FN1: variants seen among roughly 807,000 people sequenced by gnomAD.
FN1 encodes the protein fibronectin 1, also known as fibronectin.
In FN1, 106 loss-of-function variants were observed where a neutral mutation model predicts 297.3. That is an observed-to-expected ratio of 0.36 (90% CI 0.30 to 0.42). The LOEUF is 0.42. Ranked by LOEUF, FN1 falls within the 10% of genes least tolerant of loss-of-function variation. The probability of loss-of-function intolerance (pLI) is 1.00; values close to 1 mark genes in which losing one functional copy is unlikely to be tolerated. For missense variants in FN1, 2,690 were observed against 3,124.9 expected, an observed-to-expected ratio of 0.86 and a Z score of 3.32; for synonymous variants, 1,149 against 1,152.6, an observed-to-expected ratio of 1.00 and a Z score of 0.06.
At position 215,384,154 on chromosome 2, in the gene FN1, A is replaced by G. The variant is rs1344532470; in HGVS notation, c.4760T>C (p.Val1587Ala). Residue 1587 changes from valine (V) to alanine (A), a missense_variant, in exon 30 of 46, where the codon GTG becomes GCG. Physicochemically the swap from Val to Ala is moderately conservative, Grantham distance 64. Coordinates refer to ENST00000354785, the MANE Select transcript of FN1 (RefSeq NM_212482.4). Reference protein sequence around the residue: ...GGNSPVQEFTVPGSKSTATIS... With the variant: ...GGNSPVQEFTAPGSKSTATIS... ...GGTAGCTGTAGACTTGCTCCCAGGCACAGTGAACTCCTGGACAGGGCTATT... is the reference window on the plus strand; with the variant it reads ...GGTAGCTGTAGACTTGCTCCCAGGCGCAGTGAACTCCTGGACAGGGCTATT... 6.2e-7 allele frequency: 1 copy of G among 1,614,064 alleles called. No homozygotes were observed. Among genetic ancestry groups the G allele is most frequent in the African/African-American group, 1.3e-5 (1 of 74,936 alleles).
At chr2:215,421,046 TAAAG>T (rs1271363337) in intron 10 of FN1, 1 of 470,162 alleles carries the variant, frequency 2.1e-6, no homozygotes, top group African/African-American at 2.0e-5. Flanking sequence ...TATGCTCAAG[TAAAG>T]AATGTGGTAA....
At position 215,425,104 on chromosome 2, in the gene FN1, G is replaced by A. The variant is rs868242563; in HGVS notation, c.1026C>T (p.Cys342=). 1.9e-6 allele frequency: 3 copies of A among 1,614,096 alleles called. No individual in the cohort carries two copies. The highest frequency in any genetic ancestry group is 1.6e-4 in the Middle Eastern group (1 of 6,062). The change falls in exon 7 of 46, where the codon TGC becomes TGT. Residue 342 remains cysteine (C), a synonymous_variant. Coordinates refer to ENST00000354785, the MANE Select transcript of FN1 (RefSeq NM_212482.4). ...LCTCLGNGVS[C]QETAVTQTYG... is the part of the protein sequence containing the mutation. Reference sequence around the variant, plus strand: ...AAAGATAATGCATACCTGTCTCTTGGCAGCTGACTCCGTTGCCCAGGCACG... The same window carrying A: ...AAAGATAATGCATACCTGTCTCTTGACAGCTGACTCCGTTGCCCAGGCACG...
chr2:215,433,141 T>C (rs984623482), intron 3 of FN1, among the ~76,000 whole-genome samples, 183 bp downstream of exon 3: 5 of 152,156 alleles, frequency 3.3e-5, no homozygotes, highest in Non-Finnish European at 5.9e-5. Context: ...ATTCCATCTG[T>C]GCTCATACCC....
chr2:215,418,900 C>T (rs924435032), intron 12 of FN1, among the ~76,000 whole-genome samples: 2 of 152,172 alleles, frequency 1.3e-5, no homozygotes, highest in Admixed American at 6.5e-5. Flanking sequence ...TATAAAGCCC[C>T]AAACCTTTAC....
Position 215,361,570 on chromosome 2 carries a change from T to G in FN1, c.7419A>C (p.Glu2473Asp). The change falls in exon 46 of 46, where the codon GAA becomes GAC. Residue 2473 changes from glutamate (E) to aspartate (D), a missense_variant. Physicochemically the swap from Glu to Asp is conservative, Grantham distance 45 (BLOSUM62 2). Coordinates refer to ENST00000354785, the MANE Select transcript of FN1 (RefSeq NM_212482.4). Reference sequence around the variant, plus strand: ...GAAAGATGATTTACTCTCGGGAATCTTCTCTGTCAGCCTGTACATCTAAAG... The same window carrying G: ...GAAAGATGATTTACTCTCGGGAATCGTCTCTGTCAGCCTGTACATCTAAAG... ...FMPLDVQADR[E>D]DSRE 6.2e-7 allele frequency: 1 copy of G among 1,608,738 alleles called. No homozygotes were observed. The highest frequency in any genetic ancestry group is 8.5e-7 in the Non-Finnish European group (1 of 1,175,096).
chr2:215,420,867 A>T lies in FN1; in HGVS notation c.1547-66T>A, dbSNP rs2064209052. ...GTTCCATTGATGAAAGAAAAAAGGT[A>T]TGCTTCTCAAAGCATACAACTACTT... On this transcript the variant is annotated intron_variant, in intron 10 of 45. Coordinates refer to ENST00000354785, the MANE Select transcript of FN1 (RefSeq NM_212482.4). 17 of 1,493,630 alleles carry T rather than the reference A, an allele frequency of 1.1e-5. No homozygotes were observed. In the South Asian group the frequency reaches 1.9e-4, roughly 17 times the overall value. 92.5% of individuals were successfully genotyped at this position (1,493,630 alleles called of 1,614,324 possible).
chr2:215,382,299 A>C lies in FN1; in HGVS notation c.5077T>G (p.Leu1693Val), dbSNP rs767478737. ...PDQTEMTIEG[L>V]QPTVEYVVSV... is the part of the protein sequence containing the mutation. ...ACCACATACTCCACTGTGGGCTGCA[A>C]GCCTTCAATAGTCATTTCTGTTTGA... is the stretch of plus-strand genomic sequence containing the variant. Residue 1693 changes from leucine to valine, a missense_variant, in exon 32 of 46, where the codon TTG becomes GTG. Physicochemically the swap from Leu to Val is conservative, Grantham distance 32. This residue lies in a region of FN1 where 1,743 missense variants were observed against 1,945.2 expected (regional missense o/e 0.90). Transcript: ENST00000354785. The C allele has an allele frequency of 6.2e-7, 1 of 1,613,084 alleles. No homozygotes were observed. The highest frequency in any genetic ancestry group is 8.5e-7 in the Non-Finnish European group (1 of 1,179,022).
chr2:215,361,701 G>A (rs2053479161), intron 45 of FN1, 75 bp from the exon 46 acceptor site: 6 of 1,197,132 alleles, frequency 5.0e-6, no homozygotes, highest in Middle Eastern at 1.9e-4. Flanking sequence ...ATGCGGGGAG[G>A]TGGGGACTCA....
At position 215,435,817 on chromosome 2, in the gene FN1, G is replaced by A. The variant is rs779945611; in HGVS notation, c.-15C>T. The A allele has an allele frequency of 6.5e-7, 1 of 1,533,298 alleles. No homozygotes were observed. Among genetic ancestry groups the A allele is most frequent in the Non-Finnish European group, 8.8e-7 (1 of 1,142,332 alleles). 95.0% of individuals were successfully genotyped at this position (1,533,298 alleles called of 1,614,324 possible). ...CCCCTAAGCATGTTGAGACGGTGGG[G>A]GAGAGACGCCCGCACCGGGAGGCAA... On this transcript the variant is annotated 5_prime_UTR_variant, in exon 1 of 46. Transcript: ENST00000354785.
At chr2:215,364,734 T>C in intron 44 of FN1, 145 bp downstream of exon 44, 2 of 690,204 alleles carry the variant, frequency 2.9e-6, no homozygotes, top group African/African-American at 1.8e-5. Context: ...TAGAGCTCTA[T>C]GTCAGCAGTT....
chr2:215,397,868 G>C lies in FN1; in HGVS notation c.3349-20C>G, dbSNP rs188897740. ...ACCCAGCTAGAGGAAGGAATGCAAA[G>C]TAAACACCAAGGACAAATATTTCCA... On this transcript the variant is annotated intron_variant, in intron 21 of 45. Transcript: ENST00000354785. The C allele has an allele frequency of 3.3e-4, 534 of 1,612,472 alleles. 1 individual carries two copies. The African/African-American group carries it at 6.6e-3, about 20-fold the overall frequency.
At chr2:215,424,766 G>A (rs1436081882) in intron 7 of FN1, among the ~76,000 whole-genome samples, 4 of 152,152 alleles carry the variant, frequency 2.6e-5, no homozygotes, top group African/African-American at 9.7e-5. Flanking sequence ...TTAGGTTATT[G>A]GAAGATGTTT....
intron 45 of FN1, 134 bp from the exon 46 acceptor site, chr2:215,361,760 C>G: frequency 1.0e-6 from 1 of 1,002,298 alleles, no homozygotes; most frequent in Non-Finnish European, 1.5e-6. Context: ...TTTCAAGAAC[C>G]TAGCAGCATA....
At chr2:215,366,728 A>C (rs1299560893) in intron 42 of FN1, among the ~76,000 whole-genome samples, 1 of 152,236 alleles carries the variant, frequency 6.6e-6, no homozygotes, top group Non-Finnish European at 1.5e-5. Context: ...CAAAACAAAG[A>C]TTATGTAAGT....
rs1467135083 is a variant in FN1 at position 215,397,703 on chromosome 2, G to A, written c.3494C>T (p.Pro1165Leu). The change falls in exon 22 of 46, where the codon CCA (proline) becomes CTA (leucine). Residue 1165 changes from proline to leucine, a missense_variant. Around this residue, in one of 3 missense-constraint regions of FN1, gnomAD observed 1,743 missense variants for 1,945.2 expected, o/e 0.90. Transcript: ENST00000354785. ...ACGTGTCACCACTTTGTTTACAATT[G>A]GCGCATCTCTTTCCTGTCCATCTCT... The part of the protein sequence containing the change: ...VLRDGQERDA[P>L]IVNKVVTPLS... 1 of 1,613,910 alleles carries A rather than the reference G, an allele frequency of 6.2e-7. No homozygotes were observed. The highest frequency in any genetic ancestry group is 2.2e-5 in the East Asian group (1 of 44,890).
intron 24 of FN1, 27 bp from the exon 25 acceptor site, chr2:215,393,230 G>T: frequency 6.2e-7 from 1 of 1,608,622 alleles, no homozygotes. Flanking sequence ...CAAAGGGAGG[G>T]GGAGGCAAAA....
At position 215,406,340 on chromosome 2, in the gene FN1, C is replaced by A; in HGVS notation, c.2884G>T (p.Ala962Ser). The A allele has an allele frequency of 6.2e-7, 1 of 1,614,216 alleles. No homozygotes were observed. Among genetic ancestry groups the A allele is most frequent in the Non-Finnish European group, 8.5e-7 (1 of 1,180,052 alleles). ...CCAGGGGACAGCCCGGTGACTTCTG[C>A]AAAGGTGTTCCTGCTGATGGGCAGC... is the stretch of plus-strand genomic sequence containing the variant. ...QRLPISRNTF[A>S]EVTGLSPGVT... Residue 962 changes from alanine to serine, a missense_variant, in exon 19 of 46, where the codon GCA becomes TCA. Transcript: ENST00000354785.
In FN1 at chr2:215,380,816, G is replaced by A. The variant is rs1292362388; in HGVS notation, c.5429C>T (p.Ser1810Phe). The A allele has an allele frequency of 1.2e-6, 2 of 1,612,892 alleles. No individual in the cohort carries two copies. Among genetic ancestry groups the A allele is most frequent in the Non-Finnish European group, 1.7e-6 (2 of 1,179,932 alleles). Residue 1810 changes from serine (S) to phenylalanine (F), a missense_variant, in exon 33 of 46, where the codon TCC (serine) becomes TTC (phenylalanine). Ser to Phe is a radical substitution (Grantham distance 155). Transcript: ENST00000354785. ...MESQPLIGTQSTAIPAPTDLK... is the reference protein window; with the variant it reads ...MESQPLIGTQFTAIPAPTDLK... The stretch of plus-strand genomic sequence containing the variant: ...TGGTGCAATTAACCATATACCTGTG[G>A]ACTGGGTTCCAATCAGGGGCTGGCT...
intron 6 of FN1, among the ~76,000 whole-genome samples, chr2:215,427,834 G>T (rs930050890): frequency 4.6e-5 from 7 of 152,034 alleles, no homozygotes; most frequent in African/African-American, 7.2e-5. Context: ...CCTTTCAAAT[G>T]AACTTTGGAT....
Sources: gnomAD v4.1 joint callset for allele counts (sites outside exome capture counted in the v4.1 genomes callset) on GRCh38, gnomAD v4.1.1 for gene constraint, gnomAD v4.1.1 regional missense constraint, MANE v1.5 for transcripts, NCBI Gene and HGNC (gene_info 2026-07-23, HGNC 2026-07-21) for gene names.